The following STARD13 variants were observed in gnomAD, a reference collection of about 807,000 sequenced individuals.
The protein encoded by STARD13 is StAR related lipid transfer domain containing 13.
Under a neutral mutation model 106.4 loss-of-function variants are expected in STARD13, and 62 were observed. The ratio of observed to expected loss-of-function variants is 0.58; its 90% CI spans 0.48 to 0.72. The LOEUF (loss-of-function observed/expected upper bound fraction) is 0.72, where lower values mean the gene tolerates loss of function less well. STARD13 is among the 30% of genes least tolerant of loss of function. STARD13 has a pLI of 0.00. For synonymous variants in STARD13, 565 were observed against 553.0 expected (o/e 1.02, Z -0.31); for missense variants, 1,387 against 1,424.0 (o/e 0.97, Z 0.42).
chr13:33,599,092 T>G, the STARD13 span, among the ~76,000 whole-genome samples: 1 of 152,224 alleles, frequency 6.6e-6, no homozygotes, highest in African/African-American at 2.4e-5. Flanking sequence ...CAAACTTCCT[T>G]GAGAAACAGC....
chr13:33,217,528 A>G (rs1167958780), intron 1 of STARD13, among the ~76,000 whole-genome samples: 1 of 152,228 alleles, frequency 6.6e-6, no homozygotes, highest in Non-Finnish European at 1.5e-5. Flanking sequence ...CGTGTGGTGC[A>G]AGCACACAGG....
the STARD13 span, among the ~76,000 whole-genome samples, chr13:33,408,849 C>A: frequency 6.6e-6 from 1 of 152,146 alleles, no homozygotes; most frequent in Admixed American, 6.6e-5. Flanking sequence ...CAGTGATGTT[C>A]CCTCTGCTTT....
the STARD13 span, among the ~76,000 whole-genome samples, chr13:33,437,237 A>G: frequency 6.6e-6 from 1 of 152,050 alleles, no homozygotes. Flanking sequence ...TTTTGTTCCA[A>G]TCTAGTTACC....
chr13:33,418,722 C>T, the STARD13 span, among the ~76,000 whole-genome samples: 1 of 152,164 alleles, frequency 6.6e-6, no homozygotes, highest in Admixed American at 6.5e-5. Context: ...GCGGGTGCCC[C>T]TCTGGGACGA....
In STARD13 at chr13:33,350,533, C is replaced by T. The variant is rs1008087906; in HGVS notation, c.-120G>A. 4.9e-6 allele frequency: 7 copies of T among 1,436,928 alleles called. No homozygotes were observed. The African/African-American group carries it at 7.3e-5, about 15-fold the overall frequency. 89.0% of individuals were successfully genotyped at this position (1,436,928 alleles called of 1,614,324 possible). A position where few individuals can be genotyped will look rare whatever the true frequency, so the allele number is the denominator to read the frequency against. The stretch of plus-strand genomic sequence containing the variant: ...GGCACTCCCGCCGGGGTCCCGGGAC[C>T]CAATGCGGGCGCGACATGGGTCGGT... On this transcript the variant is annotated 5_prime_UTR_variant, in exon 1 of 2. Coordinates refer to the STARD13 transcript ENST00000439831.
chr13:33,267,577 ACACAGAG>A, intron 1 of STARD13, among the ~76,000 whole-genome samples: 1 of 152,336 alleles, frequency 6.6e-6, no homozygotes, highest in African/African-American at 2.4e-5. Context: ...AGAGCACCTG[ACACAGAG>A]TAGCTACTTT....
chr13:33,171,496 T>TC (rs1467493126), intron 1 of STARD13, among the ~76,000 whole-genome samples: 1 of 152,242 alleles, frequency 6.6e-6, no homozygotes, highest in African/African-American at 2.4e-5. Context: ...CCAACATCCT[T>TC]CCCTACGTAT....
At chr13:33,450,436 G>A in the STARD13 span, among the ~76,000 whole-genome samples, 7,505 of 152,204 alleles carry the variant, frequency 0.049, 261 homozygotes, top group Non-Finnish European at 0.078. Context: ...TATGGTGAAT[G>A]ATATTTTTAA....
At chr13:33,440,927 G>A in the STARD13 span, among the ~76,000 whole-genome samples, 2 of 151,030 alleles carry the variant, frequency 1.3e-5, no homozygotes, top group Non-Finnish European at 3.0e-5. Context: ...AGAACAAACT[G>A]TTGATTGCAC....
the STARD13 span, among the ~76,000 whole-genome samples, chr13:33,464,037 A>ATATATATATATATGTATATGTATATG: frequency 7.1e-5 from 10 of 141,024 alleles, no homozygotes; most frequent in African/African-American, 2.6e-4. Context: ...ATATATATAT[A>ATATATATATATATGTATATGTATATG]TATATGTATA....
the STARD13 span, among the ~76,000 whole-genome samples, chr13:33,580,060 G>A: frequency 2.0e-4 from 31 of 151,992 alleles, no homozygotes; most frequent in Admixed American, 6.6e-4. Context: ...GCACTCCTTG[G>A]TATTAACCCA....
chr13:33,307,709 G>A (rs2138486721), intron 1 of STARD13, among the ~76,000 whole-genome samples: 1 of 152,160 alleles, frequency 6.6e-6, no homozygotes, highest in South Asian at 2.1e-4. Flanking sequence ...AATGCATGTG[G>A]GGCTTAATAC....
chr13:33,524,789 T>C, the STARD13 span, among the ~76,000 whole-genome samples: 1 of 152,110 alleles, frequency 6.6e-6, no homozygotes, highest in Admixed American at 6.6e-5. Flanking sequence ...ATGTATACAT[T>C]TTAAAATGGT....
intron 1 of STARD13, among the ~76,000 whole-genome samples, chr13:33,228,387 C>A (rs1381534449): frequency 6.6e-6 from 1 of 151,738 alleles, no homozygotes; most frequent in East Asian, 1.9e-4. Context: ...ATCAGGCATT[C>A]TTCATAAAAA....
the STARD13 span, among the ~76,000 whole-genome samples, chr13:33,673,169 C>T: frequency 3.9e-5 from 6 of 152,228 alleles, no homozygotes; most frequent in Non-Finnish European, 7.3e-5. Context: ...CCTCTGGCAT[C>T]TCTACAGAAT....
intron 1 of STARD13, among the ~76,000 whole-genome samples, chr13:33,189,960 A>C (rs370073064): frequency 3.7e-4 from 56 of 152,114 alleles, no homozygotes; most frequent in East Asian, 1.7e-3. Flanking sequence ...CTCTAGATTT[A>C]TGTTATTTTA....
At chr13:33,571,318 A>G in the STARD13 span, among the ~76,000 whole-genome samples, 8 of 152,216 alleles carry the variant, frequency 5.3e-5, no homozygotes. Context: ...CAAAGTAAAC[A>G]AAGGTCTTTC....
At chr13:33,384,486 C>A in the STARD13 span, among the ~76,000 whole-genome samples, 1 of 152,086 alleles carries the variant, frequency 6.6e-6, no homozygotes, top group Non-Finnish European at 1.5e-5. Context: ...GCTTTTGAAT[C>A]ACGTCATTTA....
the STARD13 span, among the ~76,000 whole-genome samples, chr13:33,499,607 C>CTTCT: frequency 1.7e-4 from 10 of 59,730 alleles, no homozygotes; most frequent in African/African-American, 2.3e-4. Flanking sequence ...CTTCTTCTTT[C>CTTCT]TTCTTCTTCT....
Sources: allele counts gnomAD v4.1 joint callset (sites outside exome capture counted in the v4.1 genomes callset), GRCh38; gene constraint gnomAD v4.1.1; transcripts MANE v1.5; gene names NCBI Gene and HGNC (gene_info 2026-07-23, HGNC 2026-07-21).